PRKN: variants seen among roughly 807,000 people sequenced by gnomAD.
PRKN encodes the protein E3 ubiquitin-protein ligase parkin.
Under a neutral mutation model 59.5 loss-of-function variants are expected in PRKN, and 56 were observed. That is an observed-to-expected ratio of 0.94 (90% CI 0.76 to 1.18). The LOEUF is 1.18. Among genes scored for constraint, PRKN ranks in the 50% most tolerant of loss-of-function variants. The pLI is 0.00. For synonymous variants in PRKN, 250 were observed against 222.1 expected (o/e 1.13, Z -1.12); for missense variants, 657 against 596.4 (o/e 1.10, Z -1.06).
chr6:162,677,870 A>G (rs1013211841), intron 1 of PRKN, among the ~76,000 whole-genome samples: 16 of 152,212 alleles, frequency 1.1e-4, no homozygotes, highest in Admixed American at 8.5e-4. Flanking sequence ...ATATTTGGAC[A>G]TATACATATA....
intron 1 of PRKN, among the ~76,000 whole-genome samples, chr6:162,719,303 A>G (rs1165642452): frequency 6.6e-6 from 1 of 152,192 alleles, no homozygotes; most frequent in Non-Finnish European, 1.5e-5. Flanking sequence ...CCAGAGAAGC[A>G]GCACCTCAGA....
chr6:161,357,094 C>G lies in PRKN; in HGVS notation c.1285+2994G>C, dbSNP rs1784786545. Reference sequence around the variant, plus strand: ...TGAGACAGAGTCTTGCTCTGTCACTCAGGCTGGAGTGCAATGGCATGATCT... The same window carrying G: ...TGAGACAGAGTCTTGCTCTGTCACTGAGGCTGGAGTGCAATGGCATGATCT... On this transcript the variant is annotated intron_variant, in intron 11 of 11. Coordinates refer to ENST00000366898, the MANE Select transcript of PRKN (RefSeq NM_004562.3). The surrounding 1 kb of genome is among the most constrained non-coding windows in gnomAD (Gnocchi z 5.5). 7.0e-6 allele frequency among the ~76,000 whole-genome samples: 1 copy of G among 143,416 alleles called. No individual in the cohort carries two copies. Among genetic ancestry groups the G allele is most frequent in the Non-Finnish European group, 1.5e-5 (1 of 66,640 alleles). The allele number at this position is 143,416 out of a possible 152,430, so 94.1% of individuals were successfully genotyped here.
rs914729268 is a variant in PRKN, at chr6:161,410,110, T to C, written c.1084-23233A>G. On this transcript the variant is annotated intron_variant, in intron 9 of 11. Coordinates refer to ENST00000366898, the MANE Select transcript of PRKN (RefSeq NM_004562.3). The surrounding 1 kb of genome is among the most constrained non-coding windows in gnomAD (Gnocchi z 5.3). ...ATCTGCTGGGTCAGCGGTCTGGCAC[T>C]TTTTTTGAGTGTCTGCTGCCCTTGA... 1.3e-5 allele frequency among the ~76,000 whole-genome samples: 2 copies of C among 152,158 alleles called. No homozygotes were observed. Among genetic ancestry groups the C allele is most frequent in the African/African-American group, 4.8e-5 (2 of 41,428 alleles).
At chr6:161,509,738 T>G (rs1322262260) in intron 9 of PRKN, among the ~76,000 whole-genome samples, 2 of 151,100 alleles carry the variant, frequency 1.3e-5, no homozygotes, top group African/African-American at 2.4e-5. Flanking sequence ...AAATTAGCTG[T>G]GTGTGGTGGT....
At chr6:161,786,465 T>C (rs1419524918) in intron 6 of PRKN, among the ~76,000 whole-genome samples, 11 of 152,256 alleles carry the variant, frequency 7.2e-5, no homozygotes, top group Middle Eastern at 3.4e-3. Context: ...CAAAAAAATT[T>C]AGGACTTGTA....
At chr6:162,204,263 A>G (rs1486576421) in intron 3 of PRKN, among the ~76,000 whole-genome samples, 2 of 152,212 alleles carry the variant, frequency 1.3e-5, no homozygotes, top group African/African-American at 4.8e-5. Flanking sequence ...AATAAAAAAT[A>G]TTGGGGATTC....
rs115793005 is a variant in PRKN at position 162,142,246 on chromosome 6, C to T, written c.534+58885G>A. On this transcript the variant is annotated intron_variant, in intron 4 of 11. Coordinates refer to ENST00000366898, the MANE Select transcript of PRKN (RefSeq NM_004562.3). Reference sequence around the variant, plus strand: ...CAACCCCAGGTCATGGGGTTACCTGCACCAGAGAATTCCAGATGCTAGCCC... The same window carrying T: ...CAACCCCAGGTCATGGGGTTACCTGTACCAGAGAATTCCAGATGCTAGCCC... Among the ~76,000 whole-genome samples the T allele has an allele frequency of 3.7e-3, 566 of 152,274 alleles. 9 individuals carry two copies. Among genetic ancestry groups the T allele is most frequent in the African/African-American group, 0.013 (531 of 41,560 alleles).
chr6:161,870,203 T>A (rs929912997), intron 6 of PRKN, among the ~76,000 whole-genome samples: 6 of 152,052 alleles, frequency 3.9e-5, no homozygotes, highest in Non-Finnish European at 8.8e-5. Flanking sequence ...AATATTAAGA[T>A]ATTGGGCTGT....
intron 3 of PRKN, among the ~76,000 whole-genome samples, chr6:162,210,230 C>T (rs1340175193): frequency 6.6e-6 from 1 of 152,106 alleles, no homozygotes; most frequent in Non-Finnish European, 1.5e-5. Context: ...TGCCTGTTCT[C>T]TCATCTGCAA....
chr6:161,905,942 A>C lies in PRKN; in HGVS notation c.734+67360T>G, dbSNP rs1042229031. Reference sequence around the variant, plus strand: ...ACCACTGCATCTAAAAAAAAAAAAAAAAAAAAGGACATTTTCAGGTATTTT... The same window carrying C: ...ACCACTGCATCTAAAAAAAAAAAAACAAAAAAGGACATTTTCAGGTATTTT... On this transcript the variant is annotated intron_variant, in intron 6 of 11. Coordinates refer to ENST00000366898, the MANE Select transcript of PRKN (RefSeq NM_004562.3). Among the ~76,000 whole-genome samples the C allele has an allele frequency of 8.0e-5, 12 of 149,344 alleles. No individual in the cohort carries two copies. The South Asian group carries it at 2.1e-3, about 26-fold the overall frequency.
intron 2 of PRKN, among the ~76,000 whole-genome samples, chr6:162,337,764 G>A (rs1783910775): frequency 6.6e-6 from 1 of 152,024 alleles, no homozygotes; most frequent in Admixed American, 6.6e-5. Flanking sequence ...AAGAGACATA[G>A]GAATGGAAAG....
intron 6 of PRKN, among the ~76,000 whole-genome samples, chr6:161,900,804 A>G (rs1222071999): frequency 7.1e-6 from 1 of 140,126 alleles, no homozygotes; most frequent in Non-Finnish European, 1.5e-5. Flanking sequence ...AATATATAAT[A>G]AAATAATATG....
At position 161,529,122 on chromosome 6, in the gene PRKN, C is replaced by A. The variant is rs1031141134; in HGVS notation, c.1083+19732G>T. 6.6e-6 allele frequency among the ~76,000 whole-genome samples: 1 copy of A among 152,134 alleles called. No homozygotes were observed. Among genetic ancestry groups the A allele is most frequent in the Non-Finnish European group, 1.5e-5 (1 of 68,034 alleles). The stretch of plus-strand genomic sequence containing the variant: ...ATACGAGCCACAACCACAGACTCTA[C>A]GCTGCGTTCCTCTCCCTAGTCACCG... On this transcript the variant is annotated intron_variant, in intron 9 of 11. Transcript: ENST00000366898. This position sits in a 1 kb window ranked among gnomAD's most constrained non-coding sequence, Gnocchi z 4.4.
In PRKN at chr6:161,445,997, A is replaced by G. The variant is rs2115104564; in HGVS notation, c.1084-59120T>C. ...GAGAGGCAAACTGTTTGAGCCCAGGAGTTTGAGACCAGCCTGGGCAACATG... is the reference window on the plus strand; with the variant it reads ...GAGAGGCAAACTGTTTGAGCCCAGGGGTTTGAGACCAGCCTGGGCAACATG... On this transcript the variant is annotated intron_variant, in intron 9 of 11. Coordinates refer to ENST00000366898, the MANE Select transcript of PRKN (RefSeq NM_004562.3). The surrounding 1 kb of genome is among the most constrained non-coding windows in gnomAD (Gnocchi z 7.7). Among the ~76,000 whole-genome samples the G allele has an allele frequency of 6.6e-6, 1 of 151,918 alleles. No individual in the cohort carries two copies. Among genetic ancestry groups the G allele is most frequent in the African/African-American group, 2.4e-5 (1 of 41,434 alleles).
At chr6:162,434,476 T>C (rs906952294) in intron 2 of PRKN, among the ~76,000 whole-genome samples, 3 of 152,182 alleles carry the variant, frequency 2.0e-5, no homozygotes, top group Non-Finnish European at 4.4e-5. Flanking sequence ...TTGTTTATGA[T>C]AATTTTATTT....
chr6:161,911,319 C>T (rs1280524064), intron 6 of PRKN, among the ~76,000 whole-genome samples: 4 of 152,122 alleles, frequency 2.6e-5, no homozygotes, highest in African/African-American at 9.7e-5. Flanking sequence ...GAATGACTTA[C>T]AGTTCAGCCC....
chr6:162,298,620 C>T (rs1284033235), intron 2 of PRKN, among the ~76,000 whole-genome samples: 1 of 132,646 alleles, frequency 7.5e-6, no homozygotes, highest in African/African-American at 2.9e-5. Context: ...CCCCCCACCA[C>T]CCCCCACCCC....
chr6:162,032,596 C>G (rs1318614338), intron 5 of PRKN, among the ~76,000 whole-genome samples: 2 of 152,238 alleles, frequency 1.3e-5, no homozygotes, highest in Non-Finnish European at 2.9e-5. Context: ...ATTCCTTCTC[C>G]TTGAAAATAC....
At chr6:162,088,389 A>G (rs1462872889) in intron 4 of PRKN, among the ~76,000 whole-genome samples, 1 of 152,102 alleles carries the variant, frequency 6.6e-6, no homozygotes, top group Non-Finnish European at 1.5e-5. Flanking sequence ...TAAATGAATA[A>G]CAGATAGCTA....
Sources: gnomAD v4.1 joint callset for allele counts (sites outside exome capture counted in the v4.1 genomes callset) on GRCh38, gnomAD v4.1.1 for gene constraint, Gnocchi (gnomAD v3.1) non-coding constraint, MANE v1.5 for transcripts, NCBI Gene and HGNC (gene_info 2026-07-23, HGNC 2026-07-21) for gene names.